Variants in LRRC4C observed in about 807,000 individuals in gnomAD.
LRRC4C encodes leucine-rich repeat-containing protein 4C.
Under a neutral mutation model 33.6 loss-of-function variants are expected in LRRC4C, and 5 were observed. That is an observed-to-expected ratio of 0.15 (90% CI 0.08 to 0.31). LRRC4C has a LOEUF of 0.31. Ranked by LOEUF, LRRC4C falls within the 10% of genes least tolerant of loss-of-function variation. The pLI, the probability that LRRC4C is intolerant of heterozygous loss-of-function variation, is 1.00. For missense variants in LRRC4C, 560 were observed against 796.7 expected (o/e 0.70, Z 3.58); for synonymous variants, 329 against 302.0 (o/e 1.09, Z -0.93).
intron 3 of LRRC4C, among the ~76,000 whole-genome samples, chr11:40,538,975 T>C (rs1956592475): frequency 6.6e-6 from 1 of 152,214 alleles, no homozygotes; most frequent in South Asian, 2.1e-4. Flanking sequence ...CTTTGCCCAC[T>C]TTTTGATGGG....
chr11:40,765,500 G>A (rs1029946008), intron 2 of LRRC4C, among the ~76,000 whole-genome samples: 18 of 152,082 alleles, frequency 1.2e-4, no homozygotes, highest in Non-Finnish European at 1.8e-4. Flanking sequence ...ATTGATACAT[G>A]AAGTGACAGA....
At chr11:41,315,185 T>C (rs1025575893) in intron 1 of LRRC4C, among the ~76,000 whole-genome samples, 10 of 152,226 alleles carry the variant, frequency 6.6e-5, no homozygotes, top group Non-Finnish European at 1.5e-4. Flanking sequence ...CATGAGCAAC[T>C]TGAGTTTTGT....
At chr11:41,081,121 T>G (rs1405466151) in intron 1 of LRRC4C, among the ~76,000 whole-genome samples, 1 of 152,178 alleles carries the variant, frequency 6.6e-6, no homozygotes, top group Non-Finnish European at 1.5e-5. Context: ...CCTGAGTTAT[T>G]ATAATTGTCA....
chr11:41,116,492 T>C (rs1388210553), intron 1 of LRRC4C, among the ~76,000 whole-genome samples: 1 of 152,128 alleles, frequency 6.6e-6, no homozygotes, highest in African/African-American at 2.4e-5. Flanking sequence ...GAAGGTAGTA[T>C]TGTTGCAGGA....
In LRRC4C at chr11:40,260,939, G is replaced by A. The variant is rs371417183; in HGVS notation, c.-175-19341C>T. On this transcript the variant is annotated intron_variant, in intron 4 of 6. Transcript: ENST00000528697. Reference sequence around the variant, plus strand: ...TCTGTCACCCAGGCTGGAGTGCAGCGTTGCAATCATAGCTCACTGTAACTT... The same window carrying A: ...TCTGTCACCCAGGCTGGAGTGCAGCATTGCAATCATAGCTCACTGTAACTT... Among the ~76,000 whole-genome samples the A allele has an allele frequency of 9.3e-4, 142 of 152,158 alleles. 2 individuals are homozygous for A. The East Asian group carries it at 0.016, about 17-fold the overall frequency.
intron 5 of LRRC4C, among the ~76,000 whole-genome samples, chr11:40,229,310 T>C (rs1469302367): frequency 6.6e-6 from 1 of 152,156 alleles, no homozygotes; most frequent in Non-Finnish European, 1.5e-5. Context: ...TCTCATTCCA[T>C]TGCCCAGGCT....
chr11:41,270,369 T>C (rs1041610467), intron 1 of LRRC4C, among the ~76,000 whole-genome samples: 139 of 152,256 alleles, frequency 9.1e-4, no homozygotes, highest in African/African-American at 3.1e-3. Context: ...CTATTGCTAG[T>C]CTTATTATAA....
intron 2 of LRRC4C, among the ~76,000 whole-genome samples, chr11:40,657,797 T>G (rs948299386): frequency 6.6e-6 from 1 of 152,220 alleles, no homozygotes; most frequent in Admixed American, 6.5e-5. Flanking sequence ...GTGAGGGTCC[T>G]CAACCTTGGC....
intron 4 of LRRC4C, among the ~76,000 whole-genome samples, chr11:40,267,273 T>C (rs1942345082): frequency 6.6e-6 from 1 of 152,204 alleles, no homozygotes; most frequent in South Asian, 2.1e-4. Context: ...ACTGAATTAC[T>C]GTATGATATT....
chr11:40,962,110 T>C (rs1346001709), intron 1 of LRRC4C, among the ~76,000 whole-genome samples: 2 of 151,486 alleles, frequency 1.3e-5, no homozygotes, highest in Non-Finnish European at 3.0e-5. Flanking sequence ...TTAGTTTATA[T>C]GGTAAAAAAG....
intron 1 of LRRC4C, among the ~76,000 whole-genome samples, chr11:41,097,273 T>C (rs1205240099): frequency 6.6e-6 from 1 of 152,160 alleles, no homozygotes; most frequent in African/African-American, 2.4e-5. Flanking sequence ...GATGGTAAAC[T>C]AGAAGGAGAA....
intron 1 of LRRC4C, among the ~76,000 whole-genome samples, chr11:41,270,865 T>C (rs1949298753): frequency 1.3e-5 from 2 of 152,090 alleles, no homozygotes; most frequent in African/African-American, 4.8e-5. Context: ...TTTGGTTACT[T>C]GTGTAGGTAT....
At chr11:40,208,795 C>G (rs1452084786) in intron 5 of LRRC4C, among the ~76,000 whole-genome samples, 2 of 152,102 alleles carry the variant, frequency 1.3e-5, no homozygotes, top group Non-Finnish European at 1.5e-5. Context: ...TTGATGTTTT[C>G]CTAGAGTCAG....
At chr11:40,197,225 A>G (rs1862334003) in intron 5 of LRRC4C, among the ~76,000 whole-genome samples, 1 of 152,102 alleles carries the variant, frequency 6.6e-6, no homozygotes, top group African/African-American at 2.4e-5. Context: ...ATAACACTTG[A>G]GCTTGAGCCT....
intron 3 of LRRC4C, among the ~76,000 whole-genome samples, chr11:40,562,934 CTT>C (rs953127415): frequency 6.9e-6 from 1 of 145,700 alleles, no homozygotes; most frequent in African/African-American, 2.5e-5. Context: ...CACTCCTTTC[CTT>C]TTTTTTTTTC....
chr11:41,088,390 G>T (rs1940159339), intron 1 of LRRC4C, among the ~76,000 whole-genome samples: 1 of 152,032 alleles, frequency 6.6e-6, no homozygotes, highest in Non-Finnish European at 1.5e-5. Flanking sequence ...TATGTCTAAT[G>T]ACATGCTGTG....
chr11:41,370,348 G>A (rs1237158610), intron 1 of LRRC4C, among the ~76,000 whole-genome samples: 1 of 152,044 alleles, frequency 6.6e-6, no homozygotes, highest in Non-Finnish European at 1.5e-5. Context: ...CATCCCCAGT[G>A]ATAGGTTTGG....
At chr11:40,284,311 G>A (rs753448797) in intron 4 of LRRC4C, among the ~76,000 whole-genome samples, 1 of 152,156 alleles carries the variant, frequency 6.6e-6, no homozygotes, top group East Asian at 1.9e-4. Flanking sequence ...GGCATGAATA[G>A]GCTGGCTGGC....
chr11:40,260,057 T>C (rs1319287304), intron 4 of LRRC4C, among the ~76,000 whole-genome samples: 1 of 139,192 alleles, frequency 7.2e-6, no homozygotes, highest in Non-Finnish European at 1.5e-5. Context: ...TTACTGGGTA[T>C]ATACCCAAAG....
Sources: allele counts gnomAD v4.1 joint callset (sites outside exome capture counted in the v4.1 genomes callset), GRCh38; gene constraint gnomAD v4.1.1; transcripts MANE v1.5; gene names NCBI Gene and HGNC (gene_info 2026-07-23, HGNC 2026-07-21).